The following MAP3K14 variants were observed in gnomAD, a reference collection of about 807,000 sequenced individuals.
MAP3K14 encodes the protein mitogen-activated protein kinase kinase kinase 14.
Under a neutral mutation model 99.2 loss-of-function variants are expected in MAP3K14, and 16 were observed. That is an observed-to-expected ratio of 0.16 (90% CI 0.11 to 0.24). The LOEUF (loss-of-function observed/expected upper bound fraction) is 0.24, where lower values mean the gene tolerates loss of function less well. Among genes scored for constraint, MAP3K14 ranks in the 10% least tolerant of loss-of-function variants. The probability of loss-of-function intolerance (pLI) is 1.00; values close to 1 mark genes in which losing one functional copy is unlikely to be tolerated. For synonymous variants in MAP3K14, 462 were observed against 492.4 expected (o/e 0.94, Z 0.82); for missense variants, 784 against 1,208.7 (o/e 0.65, Z 5.21).
chr17:45,283,603 C>A (rs1022304463), intron 6 of MAP3K14, among the ~76,000 whole-genome samples: 1 of 152,178 alleles, frequency 6.6e-6, no homozygotes, highest in Non-Finnish European at 1.5e-5. Flanking sequence ...ATGGAGCCAG[C>A]GTGTGCCAGG....
At chr17:45,285,037 T>C in intron 5 of MAP3K14, 88 bp from the exon 6 acceptor site, 2 of 1,392,794 alleles carry the variant, frequency 1.4e-6, no homozygotes, top group South Asian at 2.7e-5. Context: ...CTCCAGCTGG[T>C]GACCTTGCCA....
At position 45,290,512 on chromosome 17, in the gene MAP3K14, G is replaced by A. The variant is rs777729713; in HGVS notation, c.234C>T (p.Ile78=). Residue 78 remains isoleucine, a synonymous_variant, in exon 2 of 16, where the codon ATC becomes ATT. Coordinates refer to ENST00000344686, the MANE Select transcript of MAP3K14 (RefSeq NM_003954.5). The part of the protein sequence containing the change: ...KEGSEAGPAA[I]SIIAQAECEN... ...TACACTCAGCCTGGGCGATGATAGAGATGGCAGCTGGCCCTGCCTCGGAGC... is the reference window on the plus strand; with the variant it reads ...TACACTCAGCCTGGGCGATGATAGAAATGGCAGCTGGCCCTGCCTCGGAGC... 6.2e-7 allele frequency: 1 copy of A among 1,613,954 alleles called. No individual in the cohort carries two copies. Among genetic ancestry groups the A allele is most frequent in the Non-Finnish European group, 8.5e-7 (1 of 1,179,890 alleles).
intron 9 of MAP3K14, among the ~76,000 whole-genome samples, chr17:45,271,891 G>A (rs2044145291): frequency 6.6e-6 from 1 of 152,198 alleles, no homozygotes; most frequent in South Asian, 2.1e-4. Context: ...AGAAATACTA[G>A]TAAGTGAAAT....
At position 45,274,611 on chromosome 17, in the gene MAP3K14, C is replaced by T; in HGVS notation, c.1291-18G>A. On this transcript the variant is annotated intron_variant, in intron 6 of 15. Coordinates refer to ENST00000344686, the MANE Select transcript of MAP3K14 (RefSeq NM_003954.5). ...AGCCGCACCTGCAAGGGCCCAGAGG[C>T]AGCTGTTAAGACAGGGTGAGGGGAC... 6.2e-7 allele frequency: 1 copy of T among 1,611,854 alleles called. No homozygotes were observed.
intron 5 of MAP3K14, among the ~76,000 whole-genome samples, 196 bp from the exon 6 acceptor site, chr17:45,285,145 A>G (rs2044253728): frequency 6.6e-6 from 1 of 152,208 alleles, no homozygotes; most frequent in Non-Finnish European, 1.5e-5. Context: ...AATGAAGTGA[A>G]GGCGAGGGAA....
At chr17:45,279,232 C>T (rs1256162650) in intron 6 of MAP3K14, among the ~76,000 whole-genome samples, 4 of 152,146 alleles carry the variant, frequency 2.6e-5, no homozygotes, top group Non-Finnish European at 5.9e-5. Flanking sequence ...TGGGTTCAAG[C>T]GATTCTCCTG....
chr17:45,286,361 G>T lies in MAP3K14; in HGVS notation c.1152+70C>A. ...TGTCACCACAGGCAAGAGTGACTCTGATAAAGAGAGAAAAGCATCCCCCAG... is the reference window on the plus strand; with the variant it reads ...TGTCACCACAGGCAAGAGTGACTCTTATAAAGAGAGAAAAGCATCCCCCAG... On this transcript the variant is annotated intron_variant, in intron 5 of 15. Coordinates refer to ENST00000344686, the MANE Select transcript of MAP3K14 (RefSeq NM_003954.5). The surrounding 1 kb of genome is among the most constrained non-coding windows in gnomAD (Gnocchi z 4.1). 3 of 1,468,618 alleles carry T rather than the reference G, an allele frequency of 2.0e-6. No individual in the cohort carries two copies. The highest frequency in any genetic ancestry group is 2.7e-6 in the Non-Finnish European group (3 of 1,103,204). 91.0% of individuals were successfully genotyped at this position (1,468,618 alleles called of 1,614,324 possible). A position where few individuals can be genotyped will look rare whatever the true frequency, so the allele number is the denominator to read the frequency against.
chr17:45,316,368 C>A (rs1001521278), intron 1 of MAP3K14, among the ~76,000 whole-genome samples: 5 of 152,172 alleles, frequency 3.3e-5, no homozygotes, highest in African/African-American at 1.2e-4. Context: ...GATAAAGTCC[C>A]GAGTTGGAGA....
rs755027058 is a variant in MAP3K14, at chr17:45,290,497, C to T, written c.249G>A (p.Gln83=). 2 of 1,613,826 alleles carry T rather than the reference C, an allele frequency of 1.2e-6. No homozygotes were observed. The highest frequency in any genetic ancestry group is 2.7e-5 in the African/African-American group (2 of 74,912). ...ACAACCCTAGGCCCCTACACTCAGC[C>T]TGGGCGATGATAGAGATGGCAGCTG... is the stretch of plus-strand genomic sequence containing the variant. The part of the protein sequence containing the change: ...AGPAAISIIA[Q]AECENSQEFS... The change falls in exon 2 of 16, where the codon CAG becomes CAA. Residue 83 remains glutamine (Q), a synonymous_variant. Transcript: ENST00000344686.
intron 9 of MAP3K14, 59 bp from the exon 10 acceptor site, chr17:45,271,280 A>C: frequency 6.8e-7 from 1 of 1,469,998 alleles, no homozygotes; most frequent in Non-Finnish European, 9.2e-7. Flanking sequence ...GAGCCTAGGC[A>C]ATGGCCACCC....
At chr17:45,269,215 T>C (rs1252389810) in intron 11 of MAP3K14, among the ~76,000 whole-genome samples, 1 of 152,110 alleles carries the variant, frequency 6.6e-6, no homozygotes, top group Non-Finnish European at 1.5e-5. Context: ...TCTTGCTATG[T>C]TGCCCAGGCT....
At position 45,264,617 on chromosome 17, in the gene MAP3K14, C is replaced by CCGG. The variant is rs2044056493; in HGVS notation, c.*16_*18dup. ...GAAGGCTGCTTCCGGCAGTGTGGAG[C>CCGG]CGGCGGTGGAGGGCAGGGTTAGGGC... On this transcript the variant is annotated 3_prime_UTR_variant, in exon 16 of 16. Coordinates refer to ENST00000344686, the MANE Select transcript of MAP3K14 (RefSeq NM_003954.5). 4 of 1,555,472 alleles carry CCGG rather than the reference C, an allele frequency of 2.6e-6. No individual in the cohort carries two copies. Among genetic ancestry groups the CCGG allele is most frequent in the Non-Finnish European group, 3.5e-6 (4 of 1,150,694 alleles).
chr17:45,284,847 C>T lies in MAP3K14; in HGVS notation c.1255G>A (p.Asp419Asn). 1.3e-6 allele frequency: 2 copies of T among 1,593,460 alleles called. No individual in the cohort carries two copies. Among genetic ancestry groups the T allele is most frequent in the Non-Finnish European group, 1.7e-6 (2 of 1,170,278 alleles). ...GSFGEVHRME[D>N]KQTGFQCAVK... ...GCGCACTGGAAGCCAGTCTGCTTGT[C>T]CTCCATCCTGTGCACCTCTCCGAAG... Residue 419 changes from aspartate to asparagine, a missense_variant, in exon 6 of 16, where the codon GAC (aspartate) becomes AAC (asparagine). This residue lies in a region of MAP3K14 where 200 missense variants were observed against 367.9 expected (regional missense o/e 0.54). Transcript: ENST00000344686.
chr17:45,263,622 A>G lies in MAP3K14; in HGVS notation c.*1014T>C, dbSNP rs1030073114. On this transcript the variant is annotated 3_prime_UTR_variant, in exon 16 of 16. Coordinates refer to ENST00000344686, the MANE Select transcript of MAP3K14 (RefSeq NM_003954.5). The stretch of plus-strand genomic sequence containing the variant: ...AAGTGCTTTGAGGTCATCAGAGTGC[A>G]AAGTGCCGTCGGCAGTACCCTCTGG... The G allele has an allele frequency of 6.5e-6, 1 of 152,708 alleles. No individual in the cohort carries two copies. Among genetic ancestry groups the G allele is most frequent in the African/African-American group, 2.4e-5 (1 of 41,466 alleles). 9.5% of individuals were successfully genotyped at this position (152,708 alleles called of 1,614,324 possible). A position where few individuals can be genotyped will look rare whatever the true frequency, so the allele number is the denominator to read the frequency against.
intron 3 of MAP3K14, among the ~76,000 whole-genome samples, chr17:45,287,611 A>G (rs982503713): frequency 2.0e-5 from 3 of 152,252 alleles, no homozygotes; most frequent in African/African-American, 7.2e-5. Flanking sequence ...GTTCATTTAA[A>G]AAGCCCAGCT....
chr17:45,268,068 A>ACG, intron 11 of MAP3K14: 1 of 301,296 alleles, frequency 3.3e-6, no homozygotes, highest in Non-Finnish European at 6.1e-6. Flanking sequence ...TTAACAAGAA[A>ACG]GAGAAGATTG....
At position 45,290,577 on chromosome 17, in the gene MAP3K14, T is replaced by C. The variant is rs772671564; in HGVS notation, c.169A>G (p.Ile57Val). 1.2e-6 allele frequency: 2 copies of C among 1,613,730 alleles called. No individual in the cohort carries two copies. Among genetic ancestry groups the C allele is most frequent in the East Asian group, 2.2e-5 (1 of 44,826 alleles). Residue 57 changes from isoleucine (I) to valine (V), a missense_variant, in exon 2 of 16, where the codon ATC becomes GTC. By Grantham distance (29) the Ile-to-Val change is conservative. Coordinates refer to ENST00000344686, the MANE Select transcript of MAP3K14 (RefSeq NM_003954.5). ...CCCTTGGTAATCACGTCATTCAGGA[T>C]CTCCCACTTTCCGCAGAACACAGGG... ...KSPVFCGKWEILNDVITKGTA... is the reference protein window; with the variant it reads ...KSPVFCGKWEVLNDVITKGTA...
Position 45,267,304 on chromosome 17 carries a change from G to T in MAP3K14, c.2326+102C>A. The T allele has an allele frequency of 7.0e-7, 1 of 1,422,780 alleles. No homozygotes were observed. Among genetic ancestry groups the T allele is most frequent in the Non-Finnish European group, 9.7e-7 (1 of 1,032,020 alleles). 88.1% of individuals were successfully genotyped at this position (1,422,780 alleles called of 1,614,324 possible). On this transcript the variant is annotated intron_variant, in intron 12 of 15. Transcript: ENST00000344686. The surrounding 1 kb of genome is among the most constrained non-coding windows in gnomAD (Gnocchi z 5.1). ...GTAGAAGCTGAGCTGCTGGGGAAGG[G>T]GCTGGAAGAAAGCCCACACCGCAGG...
At chr17:45,315,361 T>A (rs992527115) in intron 1 of MAP3K14, among the ~76,000 whole-genome samples, 1 of 152,118 alleles carries the variant, frequency 6.6e-6, no homozygotes, top group Non-Finnish European at 1.5e-5. Flanking sequence ...CGTCTTGCTG[T>A]CTGATTTCAC....
Sources: allele counts gnomAD v4.1 joint callset (sites outside exome capture counted in the v4.1 genomes callset), GRCh38; gene constraint gnomAD v4.1.1; regional missense constraint gnomAD v4.1.1; non-coding constraint Gnocchi (gnomAD v3.1); transcripts MANE v1.5; gene names NCBI Gene and HGNC (gene_info 2026-07-23, HGNC 2026-07-21).